The following PLEKHA7 variants were observed in gnomAD, a reference collection of about 807,000 sequenced individuals.
The protein encoded by PLEKHA7 is pleckstrin homology domain-containing family A member 7.
PLEKHA7 carries 104 observed loss-of-function variants against 170.0 expected under a neutral mutation model. The observed-to-expected ratio is 0.61, with a 90% CI of 0.52 to 0.72. The LOEUF (loss-of-function observed/expected upper bound fraction) is 0.72, where lower values mean the gene tolerates loss of function less well. Ranked by LOEUF, PLEKHA7 falls within the 30% of genes least tolerant of loss-of-function variation. The pLI is 0.00. For missense variants in PLEKHA7, 1,615 were observed against 1,671.7 expected (o/e 0.97, Z 0.59); for synonymous variants, 648 against 660.8 (o/e 0.98, Z 0.30).
chr11:16,997,109 G>C (rs1164592206), intron 3 of PLEKHA7, among the ~76,000 whole-genome samples: 1 of 152,204 alleles, frequency 6.6e-6, no homozygotes, highest in East Asian at 1.9e-4. Context: ...CTGCCCCAAG[G>C]CTGTGCTTCT....
rs759999030 is a variant in PLEKHA7 at position 16,791,139 on chromosome 11, G to A, written c.2806C>T (p.Pro936Ser). Reference sequence around the variant, plus strand: ...TCTCTTGGCAGAGGCGGCACAGCCGGGGGCTGGTCCTCTGGGCTGTAGAGT... The same window carrying A: ...TCTCTTGGCAGAGGCGGCACAGCCGAGGGCTGGTCCTCTGGGCTGTAGAGT... ...PELYSPEDQP[P>S]AVPPLPREAT... The change falls in exon 20 of 27, where the codon CCG becomes TCG. Residue 936 changes from proline (P) to serine (S), a missense_variant. Physicochemically the swap from Pro to Ser is moderately conservative, Grantham distance 74. Coordinates refer to ENST00000531066, the MANE Select transcript of PLEKHA7 (RefSeq NM_001329630.2). This position sits in a 1 kb window ranked among gnomAD's most constrained non-coding sequence, Gnocchi z 4.5. 40 of 1,613,794 alleles carry A rather than the reference G, an allele frequency of 2.5e-5. No individual in the cohort carries two copies. Among genetic ancestry groups the A allele is most frequent in the Non-Finnish European group, 6.8e-6 (8 of 1,179,920 alleles).
chr11:16,973,982 G>A (rs1164627485), intron 3 of PLEKHA7, among the ~76,000 whole-genome samples: 1 of 152,106 alleles, frequency 6.6e-6, no homozygotes, highest in Admixed American at 6.5e-5. Context: ...CTACCAAAGG[G>A]TTCTTCTTTA....
intron 3 of PLEKHA7, among the ~76,000 whole-genome samples, chr11:16,918,418 T>C (rs1218056277): frequency 6.6e-6 from 1 of 152,164 alleles, no homozygotes; most frequent in Non-Finnish European, 1.5e-5. Flanking sequence ...CAGGTGGCTA[T>C]AAGGGGCAAC....
intron 3 of PLEKHA7, among the ~76,000 whole-genome samples, chr11:16,949,830 G>A (rs1040834646): frequency 2.6e-5 from 4 of 152,048 alleles, no homozygotes; most frequent in Admixed American, 2.0e-4. Flanking sequence ...AAATTCAGAG[G>A]AGGGAGAGAA....
chr11:16,852,200 G>A, intron 7 of PLEKHA7, 83 bp downstream of exon 7: 1 of 1,197,916 alleles, frequency 8.3e-7, no homozygotes, highest in Non-Finnish European at 1.2e-6. Context: ...CCTGTGTTAG[G>A]ACTGGTAAAC....
Position 16,935,901 on chromosome 11 carries a change from C to T in PLEKHA7, c.222-64719G>A, listed in dbSNP as rs558943483. Among the ~76,000 whole-genome samples the T allele has an allele frequency of 2.6e-5, 4 of 152,292 alleles. No homozygotes were observed. In the South Asian group the frequency reaches 8.3e-4, roughly 32 times the overall value. On this transcript the variant is annotated intron_variant, in intron 3 of 26. Transcript: ENST00000531066. ...TGATGACAGATGCTTATAATGTTCA[C>T]CCTGAAGACTTGCAACCTTGTGGAA... is the stretch of plus-strand genomic sequence containing the variant.
chr11:16,809,666 C>T (rs1162018329), intron 13 of PLEKHA7, among the ~76,000 whole-genome samples: 1 of 152,234 alleles, frequency 6.6e-6, no homozygotes, highest in South Asian at 2.1e-4. Context: ...TCCAACCATT[C>T]ATCCCACTCA....
At chr11:16,889,418 AAAATAT>A (rs1391956391) in intron 3 of PLEKHA7, among the ~76,000 whole-genome samples, 427 of 103,438 alleles carry the variant, frequency 4.1e-3, no homozygotes, top group African/African-American at 7.6e-3. Flanking sequence ...AAAAAAAAAA[AAAATAT>A]ATATATATAT....
chr11:16,936,401 CAA>C (rs57104068), intron 3 of PLEKHA7, among the ~76,000 whole-genome samples: 1,308 of 67,916 alleles, frequency 0.019, 20 homozygotes, highest in African/African-American at 0.067. Context: ...GACTCTGTCT[CAA>C]AAAAAAAAAA....
intron 16 of PLEKHA7, 113 bp from the exon 17 acceptor site, chr11:16,801,188 G>T: frequency 1.1e-6 from 1 of 881,154 alleles, no homozygotes; most frequent in Non-Finnish European, 1.9e-6. Context: ...GAGGGAAGGA[G>T]ACCGGGCAGG....
In PLEKHA7 at chr11:16,822,780, G is replaced by C. The variant is rs575955098; in HGVS notation, c.1343+3340C>G. On this transcript the variant is annotated intron_variant, in intron 10 of 26. Coordinates refer to ENST00000531066, the MANE Select transcript of PLEKHA7 (RefSeq NM_001329630.2). Reference sequence around the variant, plus strand: ...GTCCTGGCTGCACATTAGATCACTGGGGGAAGAGGGATAGGGGAAAATGTG... The same window carrying C: ...GTCCTGGCTGCACATTAGATCACTGCGGGAAGAGGGATAGGGGAAAATGTG... Among the ~76,000 whole-genome samples the C allele has an allele frequency of 4.6e-5, 7 of 152,234 alleles. No homozygotes were observed. In the South Asian group the frequency reaches 1.5e-3, roughly 32 times the overall value.
At chr11:16,787,269 C>T in intron 23 of PLEKHA7, 2 of 978,152 alleles carry the variant, frequency 2.0e-6, no homozygotes, top group Non-Finnish European at 2.4e-6. Flanking sequence ...GCTTATCTAT[C>T]CCAGGCCATC....
chr11:16,789,676 C>T lies in PLEKHA7; in HGVS notation c.3156+99G>A. ...GGGCTGAGGCCACCCCAGAGGCCAT[C>T]CCCAGGGCTGAAGGGATGGCCAGTT... is the stretch of plus-strand genomic sequence containing the variant. On this transcript the variant is annotated intron_variant, in intron 22 of 26. Transcript: ENST00000531066. This position sits in a 1 kb window ranked among gnomAD's most constrained non-coding sequence, Gnocchi z 4.6. 1 of 1,112,018 alleles carries T rather than the reference C, an allele frequency of 9.0e-7. No homozygotes were observed. The highest frequency in any genetic ancestry group is 1.3e-6 in the Non-Finnish European group (1 of 764,208). The allele number at this position is 1,112,018 out of a possible 1,614,324, so 68.9% of individuals were successfully genotyped here.
rs138683363 is a variant in PLEKHA7, at chr11:16,844,101, G to A, written c.697-2379C>T. Among the ~76,000 whole-genome samples, 1,192 of 152,196 alleles carry A rather than the reference G, an allele frequency of 7.8e-3. 19 individuals are homozygous for A. Among genetic ancestry groups the A allele is most frequent in the African/African-American group, 0.027 (1,102 of 41,526 alleles). ...CCCAGCCATAGAGGGTTCTGGGACA[G>A]GTGCCTATCCCACTAGATACAAGCA... On this transcript the variant is annotated intron_variant, in intron 8 of 26. Transcript: ENST00000531066.
chr11:16,930,006 A>AAAAAAT (rs374159686), intron 3 of PLEKHA7, among the ~76,000 whole-genome samples: 5 of 152,236 alleles, frequency 3.3e-5, no homozygotes, highest in East Asian at 1.9e-4. Context: ...CCGTCTCAAA[A>AAAAAAT]AAAAATAAAA....
chr11:16,915,208 CACA>C (rs1461322488), intron 3 of PLEKHA7, among the ~76,000 whole-genome samples: 1 of 152,210 alleles, frequency 6.6e-6, no homozygotes, highest in African/African-American at 2.4e-5. Context: ...GCCCTGAACT[CACA>C]ACATCTCTGA....
chr11:16,803,419 T>G, intron 13 of PLEKHA7, 124 bp from the exon 14 acceptor site: 1 of 975,650 alleles, frequency 1.0e-6, no homozygotes, highest in East Asian at 2.6e-5. Context: ...GGTCATAGTA[T>G]GAGAGGGACA....
chr11:16,839,692 T>C (rs1230730258), intron 9 of PLEKHA7, among the ~76,000 whole-genome samples: 3 of 152,138 alleles, frequency 2.0e-5, no homozygotes, highest in South Asian at 2.1e-4. Flanking sequence ...TTAGGTATTA[T>C]ATGTAATCTT....
chr11:17,009,427 T>C (rs542340121), intron 3 of PLEKHA7, among the ~76,000 whole-genome samples: 1 of 152,192 alleles, frequency 6.6e-6, no homozygotes, highest in Non-Finnish European at 1.5e-5. Context: ...ATCAAACTAT[T>C]GTGAGAATTA....
Sources: gnomAD v4.1 joint callset for allele counts (sites outside exome capture counted in the v4.1 genomes callset) on GRCh38, gnomAD v4.1.1 for gene constraint, Gnocchi (gnomAD v3.1) non-coding constraint, MANE v1.5 for transcripts, NCBI Gene and HGNC (gene_info 2026-07-23, HGNC 2026-07-21) for gene names.